The following RBFOX1 variants were observed in gnomAD, a reference collection of about 807,000 sequenced individuals.
RBFOX1 encodes RNA binding protein fox-1 homolog 1.
RBFOX1 carries 8 observed loss-of-function variants against 57.7 expected under a neutral mutation model. The ratio of observed to expected loss-of-function variants is 0.14; its 90% CI spans 0.08 to 0.25. RBFOX1 has a LOEUF of 0.25. RBFOX1 is among the 10% of genes least tolerant of loss of function. The pLI, the probability that RBFOX1 is intolerant of heterozygous loss-of-function variation, is 1.00. For missense variants in RBFOX1, 611 were observed against 548.5 expected (o/e 1.11, Z -1.14); for synonymous variants, 326 against 222.4 (o/e 1.47, Z -4.15).
chr16:6,843,586 C>A (rs958750223), intron 3 of RBFOX1, among the ~76,000 whole-genome samples: 1 of 151,980 alleles, frequency 6.6e-6, no homozygotes, highest in Non-Finnish European at 1.5e-5. Flanking sequence ...CTACTCAGGA[C>A]GTTGAGGCAG....
chr16:6,992,854 A>AAT (rs1555729385), intron 3 of RBFOX1, among the ~76,000 whole-genome samples: 1 of 151,446 alleles, frequency 6.6e-6, no homozygotes, highest in African/African-American at 2.4e-5. Context: ...AAAAAAAAAA[A>AAT]GATTTGTGAT....
chr16:6,667,704 C>G (rs189345123), intron 3 of RBFOX1, among the ~76,000 whole-genome samples: 1 of 151,970 alleles, frequency 6.6e-6, no homozygotes, highest in African/African-American at 2.4e-5. Flanking sequence ...AACATATACC[C>G]TATTTCTGCA....
At chr16:6,431,892 G>T (rs189668417) in intron 2 of RBFOX1, among the ~76,000 whole-genome samples, 1,407 of 117,758 alleles carry the variant, frequency 0.012, 15 homozygotes, top group African/African-American at 0.029. Context: ...ATGCTTGCTT[G>T]CTTGCTTTCT....
intron 13 of RBFOX1, among the ~76,000 whole-genome samples, chr16:7,675,581 G>A (rs2073035066): frequency 1.3e-5 from 2 of 152,192 alleles, no homozygotes; most frequent in African/African-American, 4.8e-5. Context: ...CAGGAAAGAG[G>A]CAGAAAGAAA....
At chr16:6,357,153 A>G (rs2087487012) in intron 2 of RBFOX1, among the ~76,000 whole-genome samples, 1 of 151,862 alleles carries the variant, frequency 6.6e-6, no homozygotes, top group Admixed American at 6.6e-5. Flanking sequence ...TTCCAATGGC[A>G]CTCAGCTGCT....
intron 4 of RBFOX1, among the ~76,000 whole-genome samples, chr16:7,198,145 A>G (rs945360260): frequency 6.6e-6 from 1 of 151,610 alleles, no homozygotes; most frequent in African/African-American, 2.4e-5. Flanking sequence ...AGCTGGGACT[A>G]CAGGCACCCG....
At chr16:5,430,701 G>A (rs1039580195) in intron 1 of RBFOX1, among the ~76,000 whole-genome samples, 6 of 152,324 alleles carry the variant, frequency 3.9e-5, no homozygotes, top group Middle Eastern at 3.4e-3. Context: ...GCAGTATTAT[G>A]TATAAACTTC....
intron 2 of RBFOX1, among the ~76,000 whole-genome samples, chr16:6,500,788 G>C (rs1461823111): frequency 6.6e-6 from 1 of 151,790 alleles, no homozygotes; most frequent in African/African-American, 2.4e-5. Flanking sequence ...AACCAACTGT[G>C]ATATGTGTGC....
chr16:6,765,956 T>C (rs2077264954), intron 3 of RBFOX1, among the ~76,000 whole-genome samples: 1 of 152,104 alleles, frequency 6.6e-6, no homozygotes, highest in Admixed American at 6.6e-5. Context: ...TACAGTATGA[T>C]GGACATTGGA....
chr16:7,216,808 G>C (rs1434867309), intron 4 of RBFOX1, among the ~76,000 whole-genome samples: 1 of 152,080 alleles, frequency 6.6e-6, no homozygotes, highest in Admixed American at 6.6e-5. Context: ...GTTCCTGGTA[G>C]TTACTGTTTT....
intron 1 of RBFOX1, among the ~76,000 whole-genome samples, chr16:5,452,141 CAG>C (rs2068446625): frequency 8.1e-6 from 1 of 123,154 alleles, no homozygotes; most frequent in South Asian, 2.8e-4. Context: ...TTTTTTGAGA[CAG>C]AGTCTTGCTC....
chr16:6,115,867 T>C (rs2096491456), intron 1 of RBFOX1, among the ~76,000 whole-genome samples: 1 of 152,134 alleles, frequency 6.6e-6, no homozygotes, highest in Non-Finnish European at 1.5e-5. Flanking sequence ...CCCACACAGA[T>C]TTGTTAAGGA....
At chr16:7,070,186 G>A (rs1046024171) in intron 4 of RBFOX1, among the ~76,000 whole-genome samples, 1 of 152,294 alleles carries the variant, frequency 6.6e-6, no homozygotes, top group East Asian at 1.9e-4. Flanking sequence ...CTCACTGAGC[G>A]ATCAGAGCAC....
chr16:6,186,042 T>C (rs899443257), intron 1 of RBFOX1, among the ~76,000 whole-genome samples: 1 of 152,228 alleles, frequency 6.6e-6, no homozygotes, highest in Non-Finnish European at 1.5e-5. Flanking sequence ...TGTGTGTTTC[T>C]TGCAACGGAA....
chr16:6,302,153 A>G (rs1316285645), intron 1 of RBFOX1, among the ~76,000 whole-genome samples: 3 of 152,074 alleles, frequency 2.0e-5, no homozygotes, highest in Non-Finnish European at 4.4e-5. Context: ...TGAAGAAAGT[A>G]TTGCCCAAAA....
At chr16:5,290,431 TG>T (rs2063505340) in intron 1 of RBFOX1, among the ~76,000 whole-genome samples, 1 of 152,160 alleles carries the variant, frequency 6.6e-6, no homozygotes, top group Non-Finnish European at 1.5e-5. Context: ...GGTTTCTTTT[TG>T]GGGTGATGAA....
At chr16:5,519,880 A>C (rs1013401991) in intron 2 of RBFOX1, among the ~76,000 whole-genome samples, 1 of 152,244 alleles carries the variant, frequency 6.6e-6, no homozygotes, top group Non-Finnish European at 1.5e-5. Flanking sequence ...CATTCATTCA[A>C]TAATTCTTTA....
chr16:6,355,230 A>C (rs1188385402), intron 2 of RBFOX1, among the ~76,000 whole-genome samples: 3 of 152,096 alleles, frequency 2.0e-5, no homozygotes, highest in Non-Finnish European at 2.9e-5. Context: ...GGTTTGCTGC[A>C]CTCATCAACC....
intron 1 of RBFOX1, among the ~76,000 whole-genome samples, chr16:6,156,346 C>G (rs548182793): frequency 6.6e-6 from 1 of 152,218 alleles, no homozygotes; most frequent in African/African-American, 2.4e-5. Context: ...GGGGCCTTTT[C>G]TAGCCCCACC....
Sources: allele counts gnomAD v4.1 joint callset (sites outside exome capture counted in the v4.1 genomes callset), GRCh38; gene constraint gnomAD v4.1.1; transcripts MANE v1.5; gene names NCBI Gene and HGNC (gene_info 2026-07-23, HGNC 2026-07-21).